Variants in TTLL6 observed in about 807,000 individuals in gnomAD.
TTLL6 encodes the protein tubulin tyrosine ligase like 6, also known as tubulin polyglutamylase TTLL6.
A neutral mutation model predicts 96.4 loss-of-function variants in TTLL6; 75 were observed. The observed-to-expected ratio is 0.78, with a 90% CI of 0.65 to 0.94. The LOEUF (loss-of-function observed/expected upper bound fraction) is 0.94, where lower values mean the gene tolerates loss of function less well. TTLL6 is among the 40% of genes least tolerant of loss of function. TTLL6 has a pLI of 0.00. For missense variants in TTLL6, 1,030 were observed against 1,093.0 expected (o/e 0.94, Z 0.81); for synonymous variants, 411 against 419.4 (o/e 0.98, Z 0.24).
At chr17:48,788,108 T>A in intron 10 of TTLL6, 109 bp from the exon 11 acceptor site, 1 of 965,110 alleles carries the variant, frequency 1.0e-6, no homozygotes, top group Non-Finnish European at 1.6e-6. Flanking sequence ...GCCTTGCACA[T>A]AATGGCGGTC....
At position 48,769,172 on chromosome 17, in the gene TTLL6, G is replaced by C. The variant is rs942407141; in HGVS notation, c.2493C>G (p.Leu831=). ...CATTATAGCTCTGAGGACTCTGCAA[G>C]AGGAGGGAGGACACATCCAGCTGCC... is the stretch of plus-strand genomic sequence containing the variant. ...EKRQLDVSSL[L]LQSPQSYNVT... The change falls in exon 15 of 16, where the codon CTC becomes CTG. Residue 831 remains leucine, a synonymous_variant. Coordinates refer to ENST00000393382, the MANE Select transcript of TTLL6 (RefSeq NM_001130918.3). The C allele has an allele frequency of 1.2e-5, 19 of 1,614,080 alleles. No individual in the cohort carries two copies. The highest frequency in any genetic ancestry group is 1.7e-5 in the Admixed American group (1 of 60,004).
intron 15 of TTLL6, 67 bp downstream of exon 15, chr17:48,768,922 C>A (rs1289958535): frequency 1.1e-5 from 17 of 1,532,754 alleles, no homozygotes; most frequent in Non-Finnish European, 1.3e-5. Flanking sequence ...ACCTACCCAA[C>A]ATTCCAGAAA....
At chr17:48,813,133 C>A (rs536931248) in intron 1 of TTLL6, among the ~76,000 whole-genome samples, 1 of 152,192 alleles carries the variant, frequency 6.6e-6, no homozygotes. Context: ...TCTGACCCCA[C>A]AGCCTGTCTC....
Position 48,786,318 on chromosome 17 carries a change from A to G in TTLL6, c.1607T>C (p.Leu536Pro), listed in dbSNP as rs778873809. The G allele has an allele frequency of 1.2e-6, 2 of 1,614,120 alleles. No individual in the cohort carries two copies. Among genetic ancestry groups the G allele is most frequent in the Admixed American group, 3.3e-5 (2 of 60,014 alleles). ...EEYARQLIQE[L>P]RLKREKKPFQ... The stretch of plus-strand genomic sequence containing the variant: ...GGGCTTTTTCTCCCGTTTTAGTCTC[A>G]GCTCCTGGATCAGTTGCCTGCCCAT... Residue 536 changes from leucine to proline, a missense_variant, in exon 12 of 16, where the codon CTG (leucine) becomes CCG (proline). Transcript: ENST00000393382.
chr17:48,771,967 C>T (rs1475422614), intron 13 of TTLL6, among the ~76,000 whole-genome samples: 3 of 151,972 alleles, frequency 2.0e-5, no homozygotes, highest in African/African-American at 7.3e-5. Flanking sequence ...TCCACCTACT[C>T]GGGAGGCTGA....
At chr17:48,814,696 T>C (rs2039642607) in intron 1 of TTLL6, among the ~76,000 whole-genome samples, 1 of 152,232 alleles carries the variant, frequency 6.6e-6, no homozygotes, top group Non-Finnish European at 1.5e-5. Context: ...CCCTGTCTTA[T>C]TTCCACTTCT....
chr17:48,782,105 C>CTTTTTT (rs34486928), intron 13 of TTLL6, among the ~76,000 whole-genome samples: 17 of 122,596 alleles, frequency 1.4e-4, no homozygotes, highest in African/African-American at 2.1e-4. Context: ...TTTTTCTTTT[C>CTTTTTT]TTTTTTTTTT....
In TTLL6 at chr17:48,791,932, T is replaced by C. The variant is rs190525817; in HGVS notation, c.999-329A>G. 3.9e-5 allele frequency among the ~76,000 whole-genome samples: 6 copies of C among 152,292 alleles called. No individual in the cohort carries two copies. In the East Asian group the frequency reaches 5.8e-4, roughly 15 times the overall value. ...GAGTCAAGAAAACCCCCTGACACCATGGTTTTACTTTGGCAGCAATGATTC... is the reference window on the plus strand; with the variant it reads ...GAGTCAAGAAAACCCCCTGACACCACGGTTTTACTTTGGCAGCAATGATTC... On this transcript the variant is annotated intron_variant, in intron 8 of 15. Transcript: ENST00000393382.
At chr17:48,789,696 A>C (rs987822802) in intron 10 of TTLL6, among the ~76,000 whole-genome samples, 1 of 152,112 alleles carries the variant, frequency 6.6e-6, no homozygotes, top group Non-Finnish European at 1.5e-5. Context: ...CTGGGATTAT[A>C]AGCATGCGCC....
intron 13 of TTLL6, among the ~76,000 whole-genome samples, chr17:48,779,768 C>G (rs769338599): frequency 3.4e-4 from 51 of 152,160 alleles, no homozygotes; most frequent in Non-Finnish European, 6.2e-4. Context: ...ATGGATTTAT[C>G]TCAGAGATAT....
At chr17:48,792,339 G>A (rs981682325) in intron 8 of TTLL6, among the ~76,000 whole-genome samples, 13 of 152,184 alleles carry the variant, frequency 8.5e-5, no homozygotes, top group African/African-American at 3.1e-4. Flanking sequence ...AGAGAGGATG[G>A]ATGTCACAAA....
At chr17:48,804,408 G>A (rs1281983063) in intron 2 of TTLL6, 1 of 492,776 alleles carries the variant, frequency 2.0e-6, no homozygotes, top group Admixed American at 2.3e-5. Flanking sequence ...GCTGCAGTTG[G>A]ATCCTGATAA....
chr17:48,806,623 GA>G (rs2039509121), intron 1 of TTLL6, among the ~76,000 whole-genome samples: 1 of 152,012 alleles, frequency 6.6e-6, no homozygotes, highest in African/African-American at 2.4e-5. Flanking sequence ...ATCATTGAAA[GA>G]ATATAACATT....
intron 8 of TTLL6, 22 bp downstream of exon 8, chr17:48,796,039 A>G (rs1445227715): frequency 6.5e-7 from 1 of 1,544,538 alleles, no homozygotes; most frequent in African/African-American, 1.4e-5. Context: ...GAAAGGAAAG[A>G]AAAATGAAGC....
Position 48,791,435 on chromosome 17 carries a change from A to G in TTLL6, c.1167T>C (p.Phe389=), listed in dbSNP as rs1004588865. ...FPNHTLNSAC[F]EILGFDILLD... ...ACAAAATGTCAAAGCCCAGGATCTC[A>G]AAGCAGGCGCTGTTGAGTGTGTGGT... The change falls in exon 9 of 16, where the codon TTT becomes TTC. Residue 389 remains phenylalanine (F), a synonymous_variant. Coordinates refer to ENST00000393382, the MANE Select transcript of TTLL6 (RefSeq NM_001130918.3). The G allele has an allele frequency of 1.9e-6, 3 of 1,612,924 alleles. No homozygotes were observed. In the African/African-American group the frequency reaches 4.0e-5, roughly 22 times the overall value.
chr17:48,769,103 C>T lies in TTLL6; in HGVS notation c.2562G>A (p.Leu854=). Residue 854 remains leucine, a synonymous_variant, in exon 15 of 16, where the codon CTG becomes CTA. Transcript: ENST00000393382. ...DLLVIATPAQ[L]DPRPCRSHAS... Reference sequence around the variant, plus strand: ...CGTGGCTTCTACAAGGCCTTGGATCCAGTTGGGCTGGAGTGGCAATCACCA... The same window carrying T: ...CGTGGCTTCTACAAGGCCTTGGATCTAGTTGGGCTGGAGTGGCAATCACCA... The T allele has an allele frequency of 1.2e-6, 2 of 1,614,170 alleles. No homozygotes were observed. The highest frequency in any genetic ancestry group is 1.7e-6 in the Non-Finnish European group (2 of 1,180,030).
At chr17:48,795,672 T>C (rs2039304227) in intron 8 of TTLL6, among the ~76,000 whole-genome samples, 1 of 152,168 alleles carries the variant, frequency 6.6e-6, no homozygotes, top group Non-Finnish European at 1.5e-5. Flanking sequence ...CAGGGGAACA[T>C]GGGCCAAGCA....
intron 5 of TTLL6, 40 bp from the exon 6 acceptor site, chr17:48,799,800 G>C (rs746096022): frequency 3.3e-5 from 50 of 1,531,186 alleles, no homozygotes; most frequent in Admixed American, 2.8e-4. Flanking sequence ...TCTTTAGCTG[G>C]GGAGCAATGA....
intron 8 of TTLL6, 61 bp from the exon 9 acceptor site, chr17:48,791,664 G>A (rs1597984982): frequency 7.0e-7 from 1 of 1,423,734 alleles, no homozygotes; most frequent in East Asian, 2.3e-5. Flanking sequence ...CGAGGCCATG[G>A]CATGCTGGAA....
Sources: gnomAD v4.1 joint callset for allele counts (sites outside exome capture counted in the v4.1 genomes callset) on GRCh38, gnomAD v4.1.1 for gene constraint, MANE v1.5 for transcripts, NCBI Gene and HGNC (gene_info 2026-07-23, HGNC 2026-07-21) for gene names.